APCDD1L: variants seen among roughly 807,000 people sequenced by gnomAD.
The protein encoded by APCDD1L is APC down-regulated 1 like.
Under a neutral mutation model 24.2 loss-of-function variants are expected in APCDD1L, and 21 were observed. That is an observed-to-expected ratio of 0.87 (90% CI 0.61 to 1.25). The LOEUF is 1.25. Ranked by LOEUF, APCDD1L falls within the 50% of genes most tolerant of loss-of-function variation. The pLI is 0.00. For synonymous variants in APCDD1L, 321 were observed against 323.6 expected (o/e 0.99, Z 0.09); for missense variants, 704 against 711.7 (o/e 0.99, Z 0.12).
rs937353770 is a variant in APCDD1L, at chr20:58,494,905, G to A, written c.49+19754C>T. Among the ~76,000 whole-genome samples the A allele has an allele frequency of 6.6e-6, 1 of 152,100 alleles. No individual in the cohort carries two copies. The highest frequency in any genetic ancestry group is 1.5e-5 in the Non-Finnish European group (1 of 68,038). The stretch of plus-strand genomic sequence containing the variant: ...TGTCTGCCAGGAATGCTCTTTTTGG[G>A]CCTTCTGGCTCATTCTCCTCCTTCA... On this transcript the variant is annotated intron_variant, in intron 1 of 3. Transcript: ENST00000371149. This position sits in a 1 kb window ranked among gnomAD's most constrained non-coding sequence, Gnocchi z 4.8.
intron 1 of APCDD1L, among the ~76,000 whole-genome samples, chr20:58,489,417 C>G (rs1990180849): frequency 6.6e-6 from 1 of 151,876 alleles, no homozygotes. Flanking sequence ...GGTGCGGTGG[C>G]TCACACCTGT....
At chr20:58,501,221 T>G (rs1307088504) in intron 1 of APCDD1L, among the ~76,000 whole-genome samples, 1 of 152,342 alleles carries the variant, frequency 6.6e-6, no homozygotes, top group East Asian at 1.9e-4. Context: ...TGTAAGAGCC[T>G]CTGTTGGTGG....
chr20:58,461,432 C>T lies in APCDD1L; in HGVS notation c.864G>A (p.Gly288=). The T allele has an allele frequency of 6.6e-7, 1 of 1,520,094 alleles. No homozygotes were observed. The highest frequency in any genetic ancestry group is 8.8e-7 in the Non-Finnish European group (1 of 1,130,892). 94.2% of individuals were successfully genotyped at this position (1,520,094 alleles called of 1,614,324 possible). ...LHLGGWWVSS[G]CEVRPAVLFL... ...ACAGGACTGCTGGGCGCACCTCGCA[C>T]CCCGAGCTGACCCACCAGCCGCCCA... Residue 288 remains glycine, a synonymous_variant, in exon 4 of 4, where the codon GGG becomes GGA. Coordinates refer to ENST00000371149, the MANE Select transcript of APCDD1L (RefSeq NM_153360.3). The surrounding 1 kb of genome is among the most constrained non-coding windows in gnomAD (Gnocchi z 6.0).
Position 58,467,048 on chromosome 20 carries a change from G to C in APCDD1L, c.741+58C>G, listed in dbSNP as rs1044041992. The C allele has an allele frequency of 2.0e-5, 30 of 1,528,894 alleles. No homozygotes were observed. The highest frequency in any genetic ancestry group is 2.4e-5 in the Non-Finnish European group (28 of 1,143,148). 94.7% of individuals were successfully genotyped at this position (1,528,894 alleles called of 1,614,324 possible). On this transcript the variant is annotated intron_variant, in intron 3 of 3. Coordinates refer to ENST00000371149, the MANE Select transcript of APCDD1L (RefSeq NM_153360.3). The surrounding 1 kb of genome is among the most constrained non-coding windows in gnomAD (Gnocchi z 5.9). Reference sequence around the variant, plus strand: ...TTGCAAAGCTGCGGGGCTGGGTTCCGAGCTCGCCTCCCCGAGACCACCACC... The same window carrying C: ...TTGCAAAGCTGCGGGGCTGGGTTCCCAGCTCGCCTCCCCGAGACCACCACC...
At position 58,470,670 on chromosome 20, in the gene APCDD1L, C is replaced by A. The variant is rs199697401; in HGVS notation, c.127G>T (p.Asp43Tyr). 4.1e-5 allele frequency: 64 copies of A among 1,564,992 alleles called. No homozygotes were observed. The East Asian group carries it at 9.0e-4, about 22-fold the overall frequency. ...AGGATCGCAGTGCTGGGCACTCTATCTGGCAAGGGCTGCTGGCAGTGGGGT... is the reference window on the plus strand; with the variant it reads ...AGGATCGCAGTGCTGGGCACTCTATATGGCAAGGGCTGCTGGCAGTGGGGT... ...WEPHCQQPLPDRVPSTAILPP... is the reference protein window; with the variant it reads ...WEPHCQQPLPYRVPSTAILPP... Residue 43 changes from aspartate to tyrosine, a missense_variant, in exon 2 of 4, where the codon GAT becomes TAT. Coordinates refer to ENST00000371149, the MANE Select transcript of APCDD1L (RefSeq NM_153360.3).
In APCDD1L at chr20:58,478,750, C is replaced by A. The variant is rs189698575; in HGVS notation, c.50-8003G>T. ...CCCCTCAGGATGTGGCCATTACAGT[C>A]AGGCTTGAAGCAGGAGAGGAGAAAG... On this transcript the variant is annotated intron_variant, in intron 1 of 3. Coordinates refer to ENST00000371149, the MANE Select transcript of APCDD1L (RefSeq NM_153360.3). Among the ~76,000 whole-genome samples, 296 of 152,138 alleles carry A rather than the reference C, an allele frequency of 1.9e-3. 1 individual carries two copies. The highest frequency in any genetic ancestry group is 3.1e-3 in the Non-Finnish European group (210 of 68,016).
Position 58,467,660 on chromosome 20 carries a change from T to C in APCDD1L, c.189-2A>G. On this transcript the variant is annotated splice_acceptor_variant, in intron 2 of 3. Coordinates refer to ENST00000371149, the MANE Select transcript of APCDD1L (RefSeq NM_153360.3). LOFTEE classifies it high-confidence loss of function. This position sits in a 1 kb window ranked among gnomAD's most constrained non-coding sequence, Gnocchi z 5.9. ...TCCGGTCCTGGGCGCACCTCGCAGCTGCAGGGGTGGAAGGAGATGGGCTGG... is the reference window on the plus strand; with the variant it reads ...TCCGGTCCTGGGCGCACCTCGCAGCCGCAGGGGTGGAAGGAGATGGGCTGG... The C allele has an allele frequency of 6.7e-7, 1 of 1,490,490 alleles. No homozygotes were observed. Among genetic ancestry groups the C allele is most frequent in the South Asian group, 1.4e-5 (1 of 73,278 alleles). The allele number at this position is 1,490,490 out of a possible 1,614,324, so 92.3% of individuals were successfully genotyped here.
At chr20:58,501,865 C>A (rs1043090796) in intron 1 of APCDD1L, among the ~76,000 whole-genome samples, 7 of 152,210 alleles carry the variant, frequency 4.6e-5, no homozygotes, top group African/African-American at 1.7e-4. Flanking sequence ...TCATCCTGTC[C>A]TCTTGTCCCT....
chr20:58,482,157 T>C (rs1191053758), intron 1 of APCDD1L, among the ~76,000 whole-genome samples: 1 of 152,238 alleles, frequency 6.6e-6, no homozygotes, highest in Non-Finnish European at 1.5e-5. Flanking sequence ...GTATTGAGAT[T>C]AAGTTCGTGG....
chr20:58,504,482 T>C (rs537510735), intron 1 of APCDD1L, among the ~76,000 whole-genome samples: 2 of 152,326 alleles, frequency 1.3e-5, no homozygotes, highest in East Asian at 3.9e-4. Flanking sequence ...TAGCGTCTAT[T>C]TCTTCAGGTG....
intron 1 of APCDD1L, among the ~76,000 whole-genome samples, chr20:58,471,194 GGCCCTA>G (rs1989806160): frequency 6.6e-6 from 1 of 152,158 alleles, no homozygotes; most frequent in Non-Finnish European, 1.5e-5. Context: ...GGGACAGTGG[GGCCCTA>G]GCCTATCCCT....
rs776799617 is a variant in APCDD1L, at chr20:58,461,366, G to A, written c.930C>T (p.Ser310=). 2.5e-6 allele frequency: 4 copies of A among 1,573,058 alleles called. No individual in the cohort carries two copies. In the African/African-American group the frequency reaches 4.0e-5, roughly 16 times the overall value. ...AGAAGTGGTGGTAATACCCTTCCCA[G>A]GAGCGGCTGTGCCCGTGGAAAGTGA... The part of the protein sequence containing the change: ...RLFTFHGHSR[S]WEGYYHHFSD... The change falls in exon 4 of 4, where the codon TCC becomes TCT. Residue 310 remains serine (S), a synonymous_variant. Transcript: ENST00000371149. The surrounding 1 kb of genome is among the most constrained non-coding windows in gnomAD (Gnocchi z 6.0).
intron 1 of APCDD1L, among the ~76,000 whole-genome samples, chr20:58,510,126 C>A (rs1484644703): frequency 6.6e-6 from 1 of 152,208 alleles, no homozygotes; most frequent in African/African-American, 2.4e-5. Context: ...CCAGCCTGGG[C>A]TAGATACCCC....
At chr20:58,475,832 G>A (rs1170569515) in intron 1 of APCDD1L, among the ~76,000 whole-genome samples, 2 of 152,218 alleles carry the variant, frequency 1.3e-5, no homozygotes, top group South Asian at 2.1e-4. Flanking sequence ...GCTGCATCAC[G>A]CTGGTCTCTA....
intron 1 of APCDD1L, among the ~76,000 whole-genome samples, chr20:58,499,802 C>T (rs1033813591): frequency 2.6e-5 from 4 of 152,248 alleles, no homozygotes; most frequent in Non-Finnish European, 4.4e-5. Flanking sequence ...TCTCCAGCTT[C>T]CCTCCCTAGC....
At chr20:58,479,593 CTTTTTTTT>C (rs10580833) in intron 1 of APCDD1L, among the ~76,000 whole-genome samples, 6 of 125,418 alleles carry the variant, frequency 4.8e-5, no homozygotes, top group African/African-American at 1.5e-4. Context: ...TTAAGATTTG[CTTTTTTTT>C]TTTTTTTTTT....
intron 1 of APCDD1L, among the ~76,000 whole-genome samples, chr20:58,512,866 C>G (rs1282504979): frequency 6.6e-6 from 1 of 152,030 alleles, no homozygotes; most frequent in Non-Finnish European, 1.5e-5. Context: ...TTTCTGGTGG[C>G]TGTGTCTGAA....
Position 58,467,298 on chromosome 20 carries a change from C to T in APCDD1L, c.549G>A (p.Gly183=), listed in dbSNP as rs577589695. The change falls in exon 3 of 4, where the codon GGG becomes GGA. Residue 183 remains glycine (G), a synonymous_variant. Coordinates refer to ENST00000371149, the MANE Select transcript of APCDD1L (RefSeq NM_153360.3). The surrounding 1 kb of genome is among the most constrained non-coding windows in gnomAD (Gnocchi z 5.9). ...TGAGGCCCAGCGCCTCCAGGCAGTC[C>T]CCCTGAGCCCGGGCGCTCCGCAGCT... The part of the protein sequence containing the change: ...LYELRSARAQ[G]DCLEALGLTM... 11 of 1,537,120 alleles carry T rather than the reference C, an allele frequency of 7.2e-6. No homozygotes were observed. The East Asian group carries it at 1.3e-4, about 18-fold the overall frequency.
chr20:58,490,942 TGTTGG>T (rs1465840048), intron 1 of APCDD1L, among the ~76,000 whole-genome samples: 1 of 152,240 alleles, frequency 6.6e-6, no homozygotes, highest in Non-Finnish European at 1.5e-5. Context: ...ATTATGTCCA[TGTTGG>T]GTCTATCCTA....
Sources: gnomAD v4.1 joint callset for allele counts (sites outside exome capture counted in the v4.1 genomes callset) on GRCh38, gnomAD v4.1.1 for gene constraint, Gnocchi (gnomAD v3.1) non-coding constraint, MANE v1.5 for transcripts, NCBI Gene and HGNC (gene_info 2026-07-23, HGNC 2026-07-21) for gene names.